KDM4C: variants seen among roughly 807,000 people sequenced by gnomAD.
KDM4C encodes the protein lysine-specific demethylase 4C.
Under a neutral mutation model 129.3 loss-of-function variants are expected in KDM4C, and 81 were observed. The observed-to-expected ratio is 0.63, with a 90% CI of 0.52 to 0.75. The LOEUF is 0.75. Ranked by LOEUF, KDM4C falls within the 30% of genes least tolerant of loss-of-function variation. KDM4C has a pLI of 0.00. For synonymous variants in KDM4C, 573 were observed against 456.1 expected (o/e 1.26, Z -3.26); for missense variants, 1,457 against 1,304.0 (o/e 1.12, Z -1.81).
chr9:7,165,503 A>T, intron 20 of KDM4C, 146 bp downstream of exon 20: 1 of 923,662 alleles, frequency 1.1e-6, no homozygotes, highest in Non-Finnish European at 1.6e-6. Context: ...TCAATGTGTA[A>T]TGACCCAGGT....
intron 1 of KDM4C, among the ~76,000 whole-genome samples, chr9:6,759,100 CTT>C (rs199721613): frequency 6.6e-6 from 1 of 151,890 alleles, no homozygotes; most frequent in Non-Finnish European, 1.5e-5. Context: ...ACAAGGTAAA[CTT>C]TTTTTTGCGC....
chr9:6,813,281 C>T (rs1051081523), intron 3 of KDM4C, among the ~76,000 whole-genome samples: 3 of 152,202 alleles, frequency 2.0e-5, no homozygotes, highest in African/African-American at 4.8e-5. Context: ...AATGATCTTC[C>T]TGCTTTGGGC....
At chr9:6,984,745 C>A (rs1168071679) in intron 10 of KDM4C, among the ~76,000 whole-genome samples, 2 of 151,594 alleles carry the variant, frequency 1.3e-5, no homozygotes, top group East Asian at 1.9e-4. Flanking sequence ...GTAGAGAAAA[C>A]CAATTATAGA....
rs1296222768 is a variant in KDM4C at position 6,950,103 on chromosome 9, G to A, written c.922-30822G>A. Among the ~76,000 whole-genome samples, 5 of 90,794 alleles carry A rather than the reference G, an allele frequency of 5.5e-5. No individual in the cohort carries two copies. In the East Asian group the frequency reaches 1.7e-3, roughly 30 times the overall value. 59.6% of individuals were successfully genotyped at this position (90,794 alleles called of 152,430 possible). On this transcript the variant is annotated intron_variant, in intron 8 of 21. Transcript: ENST00000381309. ...TTTTTTTTTTTCCTCAAGCTTTATT[G>A]AGATATAGTGGACAAATAAAAATGG...
Position 6,949,817 on chromosome 9 carries a change from CAGAGGGAGACCGTGGAGGG to C in KDM4C, c.922-31092_922-31074del, listed in dbSNP as rs1044248162. On this transcript the variant is annotated intron_variant, in intron 8 of 21. Coordinates refer to ENST00000381309, the MANE Select transcript of KDM4C (RefSeq NM_015061.6). The stretch of plus-strand genomic sequence containing the variant: ...GTACAGTCCAGCTTCGGCTCGGCAT[CAGAGGGAGACCGTGGAGGG>C]AGAGGGAGACCGTGGGGAGAGGGAG... Among the ~76,000 whole-genome samples the C allele has an allele frequency of 3.3e-4, 50 of 152,254 alleles. No homozygotes were observed. In the South Asian group the frequency reaches 4.3e-3, roughly 13 times the overall value.
chr9:7,097,196 C>T (rs1340316908), intron 17 of KDM4C, among the ~76,000 whole-genome samples: 1 of 152,172 alleles, frequency 6.6e-6, no homozygotes, highest in East Asian at 1.9e-4. Flanking sequence ...TTCTCTGAGC[C>T]ATGAGGCAGG....
chr9:6,721,369 C>T (rs1231734944), intron 1 of KDM4C, among the ~76,000 whole-genome samples: 2 of 147,150 alleles, frequency 1.4e-5, no homozygotes, highest in African/African-American at 5.0e-5. Flanking sequence ...CTGCAACCTT[C>T]ACCTCTCAGG....
intron 15 of KDM4C, among the ~76,000 whole-genome samples, chr9:7,024,393 T>C (rs1251023094): frequency 6.6e-6 from 1 of 151,940 alleles, no homozygotes; most frequent in South Asian, 2.1e-4. Flanking sequence ...TGAGGTTTGT[T>C]ACATATGTAT....
chr9:7,150,521 G>T (rs183732023), intron 19 of KDM4C, among the ~76,000 whole-genome samples: 1 of 152,296 alleles, frequency 6.6e-6, no homozygotes, highest in African/African-American at 2.4e-5. Flanking sequence ...AAATGTCTCC[G>T]AGAGGGCTGG....
At chr9:6,800,115 C>T (rs997066298) in intron 2 of KDM4C, among the ~76,000 whole-genome samples, 5 of 152,096 alleles carry the variant, frequency 3.3e-5, no homozygotes, top group Non-Finnish European at 5.9e-5. Flanking sequence ...CGCCTGTAAT[C>T]CCAGCACTTT....
chr9:6,859,225 C>G (rs1229625467), intron 5 of KDM4C, among the ~76,000 whole-genome samples: 1 of 152,052 alleles, frequency 6.6e-6, no homozygotes. Context: ...TGCCTATAAT[C>G]CCAGCACTTT....
chr9:6,747,003 CAAAAAAAAAA>C (rs58512756), intron 1 of KDM4C, among the ~76,000 whole-genome samples: 1 of 50,554 alleles, frequency 2.0e-5, no homozygotes, highest in Non-Finnish European at 4.0e-5. Context: ...GACTCCGTCT[CAAAAAAAAAA>C]AAAAAAAAAA....
At chr9:7,068,398 A>G (rs183506282) in intron 17 of KDM4C, among the ~76,000 whole-genome samples, 15 of 152,182 alleles carry the variant, frequency 9.9e-5, no homozygotes, top group East Asian at 9.7e-4. Flanking sequence ...GATCACCTCA[A>G]TTTTACTAAA....
chr9:7,077,306 C>A, intron 17 of KDM4C: 1 of 854,974 alleles, frequency 1.2e-6, no homozygotes, highest in South Asian at 5.3e-5. Flanking sequence ...ATTTACATTG[C>A]TTTGGACATA....
chr9:6,941,730 A>G (rs537255592), intron 8 of KDM4C: 6 of 152,360 alleles, frequency 3.9e-5, no homozygotes, highest in African/African-American at 1.4e-4. Flanking sequence ...TACCACGGTC[A>G]TTCTCAGCTG....
chr9:7,052,908 AGT>A (rs1830395754), intron 17 of KDM4C, among the ~76,000 whole-genome samples: 1 of 33,440 alleles, frequency 3.0e-5, no homozygotes, highest in Non-Finnish European at 7.7e-5. Flanking sequence ...AGAGCGAGCG[AGT>A]GCCCAAGGGA....
upstream of KDM4C, among the ~76,000 whole-genome samples, chr9:6,756,318 T>C (rs1021152306): frequency 6.6e-6 from 1 of 152,254 alleles, no homozygotes; most frequent in Non-Finnish European, 1.5e-5. Flanking sequence ...AGGTTGCATA[T>C]TTATTATTTT....
intron 17 of KDM4C, among the ~76,000 whole-genome samples, chr9:7,059,360 C>T (rs1180185603): frequency 1.3e-5 from 2 of 152,174 alleles, no homozygotes; most frequent in Non-Finnish European, 2.9e-5. Flanking sequence ...GCCTCGACCT[C>T]CCGAGTAGCT....
intron 12 of KDM4C, among the ~76,000 whole-genome samples, chr9:7,008,792 C>T (rs950182931): frequency 6.6e-6 from 1 of 152,192 alleles, no homozygotes; most frequent in Non-Finnish European, 1.5e-5. Flanking sequence ...AGCTCACATA[C>T]TGACGCAGAC....
Sources: gnomAD v4.1 joint callset for allele counts (sites outside exome capture counted in the v4.1 genomes callset) on GRCh38, gnomAD v4.1.1 for gene constraint, MANE v1.5 for transcripts, NCBI Gene and HGNC (gene_info 2026-07-23, HGNC 2026-07-21) for gene names.